PRMT2: variants seen among roughly 807,000 people sequenced by gnomAD.
PRMT2 encodes protein arginine methyltransferase 2, also known as protein arginine N-methyltransferase 2.
In PRMT2, 26 loss-of-function variants were observed where a neutral mutation model predicts 57.6. That is an observed-to-expected ratio of 0.45 (90% CI 0.33 to 0.63). The LOEUF (loss-of-function observed/expected upper bound fraction) is 0.63, where lower values mean the gene tolerates loss of function less well. Ranked by LOEUF, PRMT2 falls within the 20% of genes least tolerant of loss-of-function variation. The pLI, the probability that PRMT2 is intolerant of heterozygous loss-of-function variation, is 0.02. For missense variants in PRMT2, 472 were observed against 564.4 expected (o/e 0.84, Z 1.66); for synonymous variants, 219 against 220.0 (o/e 1.00, Z 0.04).
rs1295874455 is a variant in PRMT2 at position 46,649,538 on chromosome 21, G to A, written c.490-37G>A. The A allele has an allele frequency of 1.6e-5, 26 of 1,613,346 alleles. No individual in the cohort carries two copies. The highest frequency in any genetic ancestry group is 1.1e-4 in the East Asian group (5 of 44,902). The stretch of plus-strand genomic sequence containing the variant: ...GAGAGTAGATGACGGGCCGTGTGCC[G>A]GCCGGATGTACGCTGACGGTGCCTC... On this transcript the variant is annotated intron_variant, in intron 6 of 11. Coordinates refer to ENST00000355680, the MANE Select transcript of PRMT2 (RefSeq NM_206962.4). The surrounding 1 kb of genome is among the most constrained non-coding windows in gnomAD (Gnocchi z 4.8).
chr21:46,657,328 A>G (rs2061555325), intron 7 of PRMT2: 1 of 151,810 alleles, frequency 6.6e-6, no homozygotes, highest in South Asian at 2.1e-4. Context: ...AGCTGTGTTC[A>G]CACAAAAACC....
chr21:46,644,397 T>C lies in PRMT2; in HGVS notation c.236T>C (p.Ile79Thr). ...GAGCGTGCGGGCTGCTGTGGGTACA[T>C]TCCGGCAAACCATGTGGGGAAGCAC... ...WGERAGCCGYIPANHVGKHVD... is the reference protein window; with the variant it reads ...WGERAGCCGYTPANHVGKHVD... The change falls in exon 5 of 12, where the codon ATT becomes ACT. Residue 79 changes from isoleucine (I) to threonine (T), a missense_variant. By Grantham distance (89) the Ile-to-Thr change is moderately conservative. Around this residue, in one of 2 missense-constraint regions of PRMT2, gnomAD observed 243 missense variants for 347.2 expected, o/e 0.70. Transcript: ENST00000355680. 6.2e-7 allele frequency: 1 copy of C among 1,612,346 alleles called. No individual in the cohort carries two copies. The highest frequency in any genetic ancestry group is 8.5e-7 in the Non-Finnish European group (1 of 1,179,282).
In PRMT2 at chr21:46,665,114, A is replaced by C. The variant is rs1359332626; in HGVS notation, c.*787A>C. On this transcript the variant is annotated 3_prime_UTR_variant, in exon 12 of 12. Transcript: ENST00000355680. ...ATTGTTTTGATTTTTATTAAATTTTATTGAAATATAGGCTGGGTGCAGTGG... is the reference window on the plus strand; with the variant it reads ...ATTGTTTTGATTTTTATTAAATTTTCTTGAAATATAGGCTGGGTGCAGTGG... The C allele has an allele frequency of 2.0e-5, 3 of 152,050 alleles. No individual in the cohort carries two copies. Among genetic ancestry groups the C allele is most frequent in the African/African-American group, 7.2e-5 (3 of 41,388 alleles). 9.4% of individuals were successfully genotyped at this position (152,050 alleles called of 1,614,324 possible).
intron 3 of PRMT2, among the ~76,000 whole-genome samples, chr21:46,643,125 T>C (rs2061306064): frequency 6.6e-6 from 1 of 152,062 alleles, no homozygotes; most frequent in Admixed American, 6.5e-5. Context: ...GTTTGTGCCA[T>C]GCCATCAGCT....
chr21:46,659,834 T>C lies in PRMT2; in HGVS notation c.830+914T>C, dbSNP rs1384185265. The stretch of plus-strand genomic sequence containing the variant: ...CCATCTGGTGGAGCACTGCTGTGTG[T>C]CTGTTAAAAAAGAAACCATAGGTTT... On this transcript the variant is annotated intron_variant, in intron 8 of 11. Transcript: ENST00000355680. 7 of 985,314 alleles carry C rather than the reference T, an allele frequency of 7.1e-6. No individual in the cohort carries two copies. The African/African-American group carries it at 1.2e-4, about 17-fold the overall frequency. 61.0% of individuals were successfully genotyped at this position (985,314 alleles called of 1,614,324 possible). A position where few individuals can be genotyped will look rare whatever the true frequency, so the allele number is the denominator to read the frequency against.
chr21:46,661,124 C>G, intron 9 of PRMT2, 162 bp downstream of exon 9: 1 of 700,914 alleles, frequency 1.4e-6, no homozygotes, highest in South Asian at 3.1e-5. Context: ...ACGTTTGCTA[C>G]TGATTTTTTC....
Position 46,648,736 on chromosome 21 carries a change from A to G in PRMT2, c.489+117A>G, listed in dbSNP as rs990452660. On this transcript the variant is annotated intron_variant, in intron 6 of 11. Transcript: ENST00000355680. The surrounding 1 kb of genome is among the most constrained non-coding windows in gnomAD (Gnocchi z 4.8). ...CTGTTGGGGGCTCACCGGTGACTCC[A>G]TGGTCTTGTTGAGCACCCTGCACGT... 39 of 1,354,336 alleles carry G rather than the reference A, an allele frequency of 2.9e-5. No homozygotes were observed. The South Asian group carries it at 4.8e-4, about 17-fold the overall frequency. The allele number at this position is 1,354,336 out of a possible 1,614,324, so 83.9% of individuals were successfully genotyped here.
Position 46,644,291 on chromosome 21 carries a change from C to CT in PRMT2, c.145-5dup, listed in dbSNP as rs747612379. Reference sequence around the variant, plus strand: ...GACTGGTTTTCTTATTGAATTTTAACTTTTTTTTTTCCAGCTCAGTTTTTT... The same window carrying CT: ...GACTGGTTTTCTTATTGAATTTTAACTTTTTTTTTTTCCAGCTCAGTTTTTT... On this transcript the variant is annotated splice_polypyrimidine_tract_variant and intron_variant, in intron 4 of 11. Coordinates refer to ENST00000355680, the MANE Select transcript of PRMT2 (RefSeq NM_206962.4). The CT allele has an allele frequency of 1.7e-3, 2,517 of 1,443,086 alleles. No homozygotes were observed. The highest frequency in any genetic ancestry group is 4.4e-3 in the Admixed American group (222 of 50,964). 89.4% of individuals were successfully genotyped at this position (1,443,086 alleles called of 1,614,324 possible).
chr21:46,643,588 G>A lies in PRMT2; in HGVS notation c.93G>A (p.Gln31=), dbSNP rs766793126. The A allele has an allele frequency of 8.1e-6, 13 of 1,610,838 alleles. No homozygotes were observed. Among genetic ancestry groups the A allele is most frequent in the Non-Finnish European group, 1.1e-5 (13 of 1,179,138 alleles). ...CCGGTCTCCTGCAGGAGGGAGTACA[G>A]CCAGAGGAGTTTGTGGCCATCGCGG... ...SEAGLLQEGV[Q]PEEFVAIADY... is the part of the protein sequence containing the mutation. The change falls in exon 4 of 12, where the codon CAG becomes CAA. Residue 31 remains glutamine, a synonymous_variant. Coordinates refer to ENST00000355680, the MANE Select transcript of PRMT2 (RefSeq NM_206962.4).
In PRMT2 at chr21:46,663,410, C is replaced by G. The variant is rs1453049198; in HGVS notation, c.1125C>G (p.Phe375Leu). ...HPTTHWKQTLFMMDDPVPVHT... is the reference protein window; with the variant it reads ...HPTTHWKQTLLMMDDPVPVHT... ...CCACACACTGGAAGCAGACGCTGTT[C>G]ATGATGGACGACCCAGTCCCTGTCC... Residue 375 changes from phenylalanine to leucine, a missense_variant, in exon 11 of 12, where the codon TTC becomes TTG. Phe to Leu is a conservative substitution (Grantham distance 22). Coordinates refer to ENST00000355680, the MANE Select transcript of PRMT2 (RefSeq NM_206962.4). 1.2e-6 allele frequency: 2 copies of G among 1,613,794 alleles called. No homozygotes were observed. The highest frequency in any genetic ancestry group is 1.3e-5 in the African/African-American group (1 of 74,938).
At chr21:46,653,927 T>C in intron 7 of PRMT2, 1 of 1,014,916 alleles carries the variant, frequency 9.9e-7, no homozygotes, top group Non-Finnish European at 1.2e-6. Flanking sequence ...CAGCCTTTTT[T>C]CTTTTCTTGT....
At chr21:46,658,130 A>C (rs1234924158) in intron 7 of PRMT2, 1 of 152,292 alleles carries the variant, frequency 6.6e-6, no homozygotes, top group African/African-American at 2.4e-5. Flanking sequence ...TGCTCCCTCT[A>C]CTCCTTTCTG....
At chr21:46,641,142 C>T (rs992026116) in intron 3 of PRMT2, among the ~76,000 whole-genome samples, 1 of 88,586 alleles carries the variant, frequency 1.1e-5, no homozygotes, top group Non-Finnish European at 2.5e-5. Flanking sequence ...AAAAAAAAAG[C>T]GTATTCTTCA....
At chr21:46,639,720 G>T (rs886140338) in intron 3 of PRMT2, among the ~76,000 whole-genome samples, 10 of 150,766 alleles carry the variant, frequency 6.6e-5, no homozygotes, top group Non-Finnish European at 1.3e-4. Flanking sequence ...GTGTGTGTGT[G>T]TGTGTGTATT....
chr21:46,636,864 T>C, intron 2 of PRMT2, 32 bp from the exon 3 acceptor site: 1 of 1,344,174 alleles, frequency 7.4e-7, no homozygotes, highest in East Asian at 2.4e-5. Flanking sequence ...ATGTAACAAG[T>C]ACTTTGTGTC....
chr21:46,659,308 C>T, intron 8 of PRMT2: 3 of 1,007,204 alleles, frequency 3.0e-6, no homozygotes, highest in Non-Finnish European at 3.6e-6. Context: ...CCTGTGTGCA[C>T]CATCTTAGGT....
In PRMT2 at chr21:46,649,640, T is replaced by G. The variant is rs764722899; in HGVS notation, c.555T>G (p.Phe185Leu). 2 of 1,614,100 alleles carry G rather than the reference T, an allele frequency of 1.2e-6. No individual in the cohort carries two copies. The highest frequency in any genetic ancestry group is 1.7e-6 in the Non-Finnish European group (2 of 1,180,020). ...GGCAGCTGGTCCTGCAGAACGGCTT[T>G]GCTGACATCATCACCGTGTACCAGC... Reference protein sequence around the residue: ...HTGQLVLQNGFADIITVYQQK... With the variant: ...HTGQLVLQNGLADIITVYQQK... The change falls in exon 7 of 12, where the codon TTT (phenylalanine) becomes TTG (leucine). Residue 185 changes from phenylalanine (F) to leucine (L), a missense_variant. Phe to Leu is a conservative substitution (Grantham distance 22). Coordinates refer to ENST00000355680, the MANE Select transcript of PRMT2 (RefSeq NM_206962.4). The surrounding 1 kb of genome is among the most constrained non-coding windows in gnomAD (Gnocchi z 4.8).
At chr21:46,646,234 AT>A (rs1248373020) in intron 5 of PRMT2, among the ~76,000 whole-genome samples, 1 of 152,114 alleles carries the variant, frequency 6.6e-6, no homozygotes, top group African/African-American at 2.4e-5. Flanking sequence ...GATACTTTTT[AT>A]TGCACTTTTT....
intron 7 of PRMT2, chr21:46,654,199 G>A: frequency 1.1e-6 from 1 of 903,554 alleles, no homozygotes; most frequent in Non-Finnish European, 1.3e-6. Context: ...GTTCATGGCA[G>A]CACCGTTTAA....
Sources: gnomAD v4.1 joint callset for allele counts (sites outside exome capture counted in the v4.1 genomes callset) on GRCh38, gnomAD v4.1.1 for gene constraint, gnomAD v4.1.1 regional missense constraint, Gnocchi (gnomAD v3.1) non-coding constraint, MANE v1.5 for transcripts, NCBI Gene and HGNC (gene_info 2026-07-23, HGNC 2026-07-21) for gene names.